The following LUZP2 variants were observed in gnomAD, a reference collection of about 807,000 sequenced individuals.
LUZP2 encodes leucine zipper protein 2.
Under a neutral mutation model 51.6 loss-of-function variants are expected in LUZP2, and 52 were observed. The observed-to-expected ratio is 1.01, with a 90% confidence interval of 0.81 to 1.27. The LOEUF is 1.27. Among genes scored for constraint, LUZP2 ranks in the 50% most tolerant of loss-of-function variants. The probability of loss-of-function intolerance (pLI) is 0.00; values close to 1 mark genes in which losing one functional copy is unlikely to be tolerated. For synonymous variants in LUZP2, 154 were observed against 137.3 expected (o/e 1.12, Z -0.85); for missense variants, 436 against 395.4 (o/e 1.10, Z -0.87).
intron 5 of LUZP2, among the ~76,000 whole-genome samples, chr11:24,769,195 A>T (rs1480327378): frequency 7.7e-5 from 10 of 129,912 alleles, no homozygotes; most frequent in Admixed American, 2.9e-4. Flanking sequence ...TTGATCTCAA[A>T]GAAGTAGAGA....
At chr11:24,803,354 A>G (rs1849749236) in intron 5 of LUZP2, among the ~76,000 whole-genome samples, 1 of 152,070 alleles carries the variant, frequency 6.6e-6, no homozygotes, top group Non-Finnish European at 1.5e-5. Context: ...TTACCAAAAA[A>G]CAAAAAACAA....
intron 5 of LUZP2, among the ~76,000 whole-genome samples, chr11:24,791,119 A>G (rs182958976): frequency 6.6e-6 from 1 of 152,334 alleles, no homozygotes; most frequent in Admixed American, 6.5e-5. Context: ...AGTTATTGAG[A>G]CAAAACACTT....
intron 7 of LUZP2, among the ~76,000 whole-genome samples, chr11:24,953,575 A>C: frequency 6.6e-6 from 1 of 152,046 alleles, no homozygotes; most frequent in East Asian, 1.9e-4. Flanking sequence ...CTAAAGGAAC[A>C]CTTCTTGGAC....
intron 5 of LUZP2, among the ~76,000 whole-genome samples, chr11:24,887,172 C>G (rs10834528): frequency 6.7e-6 from 1 of 149,090 alleles, no homozygotes; most frequent in Non-Finnish European, 1.5e-5. Context: ...ACCCAGCCTG[C>G]GAAGCCCCTA....
At chr11:24,851,836 T>A (rs1851403645) in intron 5 of LUZP2, among the ~76,000 whole-genome samples, 1 of 152,160 alleles carries the variant, frequency 6.6e-6, no homozygotes, top group African/African-American at 2.4e-5. Flanking sequence ...TCTTCCTCAT[T>A]TCGTCTTGGG....
intron 7 of LUZP2, among the ~76,000 whole-genome samples, chr11:24,916,401 T>C (rs1299884203): frequency 6.6e-6 from 1 of 152,128 alleles, no homozygotes; most frequent in Non-Finnish European, 1.5e-5. Context: ...TTTGTTACTA[T>C]GTATACATGT....
chr11:24,694,606 A>G (rs1857185717), intron 1 of LUZP2, among the ~76,000 whole-genome samples: 1 of 152,118 alleles, frequency 6.6e-6, no homozygotes, highest in South Asian at 2.1e-4. Context: ...ATTCTGCTAT[A>G]AAGACACGTG....
chr11:24,785,542 TTATGAATA>T (rs1171079763), intron 5 of LUZP2, among the ~76,000 whole-genome samples: 4 of 151,940 alleles, frequency 2.6e-5, no homozygotes, highest in African/African-American at 9.7e-5. Context: ...TATATTGTCA[TTATGAATA>T]TAATGACAAT....
At chr11:24,684,352 TC>T (rs1419413455) in intron 1 of LUZP2, among the ~76,000 whole-genome samples, 4 of 152,184 alleles carry the variant, frequency 2.6e-5, no homozygotes, top group Non-Finnish European at 5.9e-5. Context: ...TCCCTTTACT[TC>T]CTTTAGCCTT....
chr11:25,071,935 C>T (rs1343882487), intron 10 of LUZP2, among the ~76,000 whole-genome samples: 1 of 151,770 alleles, frequency 6.6e-6, no homozygotes, highest in Non-Finnish European at 1.5e-5. Flanking sequence ...TTTTAGGCAC[C>T]TGAAATAATT....
chr11:25,074,863 T>C (rs1859255668), intron 10 of LUZP2, among the ~76,000 whole-genome samples: 1 of 152,158 alleles, frequency 6.6e-6, no homozygotes, highest in African/African-American at 2.4e-5. Context: ...TAAGATATTG[T>C]ATAAGATTTC....
chr11:24,649,956 GAC>G (rs1855574986), intron 1 of LUZP2, among the ~76,000 whole-genome samples: 1 of 133,084 alleles, frequency 7.5e-6, no homozygotes, highest in Non-Finnish European at 1.6e-5. Flanking sequence ...CACAGACACA[GAC>G]ACACACATAC....
At chr11:24,736,206 A>G (rs943153947) in intron 3 of LUZP2, among the ~76,000 whole-genome samples, 1 of 146,792 alleles carries the variant, frequency 6.8e-6, no homozygotes, top group African/African-American at 2.5e-5. Flanking sequence ...CCACACATAC[A>G]TTATCTATCT....
chr11:24,850,540 G>C (rs1366741374), intron 5 of LUZP2, among the ~76,000 whole-genome samples: 2 of 144,452 alleles, frequency 1.4e-5, no homozygotes, highest in Non-Finnish European at 3.1e-5. Flanking sequence ...AGTACACTTA[G>C]AAGTCAGGTA....
intron 1 of LUZP2, among the ~76,000 whole-genome samples, chr11:24,584,711 G>A (rs942924314): frequency 6.6e-6 from 1 of 152,120 alleles, no homozygotes; most frequent in Admixed American, 6.6e-5. Context: ...AGTATCCATG[G>A]CACCTACCCT....
At chr11:24,905,525 T>C (rs1420609286) in intron 5 of LUZP2, among the ~76,000 whole-genome samples, 9 of 151,546 alleles carry the variant, frequency 5.9e-5, no homozygotes. Flanking sequence ...GAAACTTCGC[T>C]CAAAAAAAAT....
At chr11:24,833,522 T>A (rs1219248106) in intron 5 of LUZP2, among the ~76,000 whole-genome samples, 1 of 152,038 alleles carries the variant, frequency 6.6e-6, no homozygotes, top group Admixed American at 6.6e-5. Context: ...CAGGGAGAGA[T>A]CTTTAGCTGT....
At chr11:24,517,635 C>T (rs539191946) in intron 1 of LUZP2, among the ~76,000 whole-genome samples, 10 of 151,550 alleles carry the variant, frequency 6.6e-5, no homozygotes, top group Middle Eastern at 3.4e-3. Context: ...GCATCAGTCA[C>T]GTCACTGATT....
chr11:24,747,098 AT>A (rs1259162729), intron 4 of LUZP2, among the ~76,000 whole-genome samples: 3 of 151,972 alleles, frequency 2.0e-5, no homozygotes, highest in Admixed American at 6.6e-5. Context: ...AGCTAGTGTG[AT>A]TTTTTGGGGG....
Sources: allele counts gnomAD v4.1 joint callset (sites outside exome capture counted in the v4.1 genomes callset), GRCh38; gene constraint gnomAD v4.1.1; transcripts MANE v1.5; gene names NCBI Gene and HGNC (gene_info 2026-07-23, HGNC 2026-07-21).